Variants in KANSL1 observed in about 807,000 individuals in gnomAD.
KANSL1 encodes the protein KAT8 regulatory NSL complex subunit 1.
A neutral mutation model predicts 103.6 loss-of-function variants in KANSL1; 22 were observed. The ratio of observed to expected loss-of-function variants is 0.21; its 90% CI spans 0.15 to 0.30. The LOEUF (loss-of-function observed/expected upper bound fraction) is 0.30, where lower values mean the gene tolerates loss of function less well. KANSL1 is among the 10% of genes least tolerant of loss of function. The pLI is 1.00. For missense variants in KANSL1, 1,337 were observed against 1,399.8 expected (o/e 0.96, Z 0.72); for synonymous variants, 600 against 527.6 (o/e 1.14, Z -1.88).
At chr17:46,101,059 C>T (rs142522995) in intron 2 of KANSL1, among the ~76,000 whole-genome samples, 1 of 152,326 alleles carries the variant, frequency 6.6e-6, no homozygotes, top group Admixed American at 6.5e-5. Flanking sequence ...CCTGAGACAT[C>T]TAAGTTCTGA....
chr17:46,042,309 AATTAAC>A, intron 7 of KANSL1: 1 of 152,312 alleles, frequency 6.6e-6, no homozygotes, highest in Non-Finnish European at 1.5e-5. Context: ...GAGACGTCTA[AATTAAC>A]ATTACTGAAC....
chr17:46,155,155 A>ATTTTTTTTTT (rs33974360), intron 2 of KANSL1, among the ~76,000 whole-genome samples: 1 of 103,852 alleles, frequency 9.6e-6, no homozygotes, highest in Non-Finnish European at 1.8e-5. Context: ...TCAGCCAGGG[A>ATTTTTTTTTT]TTTTTTTTTT....
intron 6 of KANSL1, among the ~76,000 whole-genome samples, chr17:46,059,233 A>C (rs2146574874): frequency 6.6e-6 from 1 of 152,248 alleles, no homozygotes; most frequent in East Asian, 1.9e-4. Flanking sequence ...GAATGGTAGG[A>C]GGCTACAAAG....
At chr17:46,188,847 A>G (rs2047158995) in intron 1 of KANSL1, among the ~76,000 whole-genome samples, 1 of 152,058 alleles carries the variant, frequency 6.6e-6, no homozygotes, top group Non-Finnish European at 1.5e-5. Context: ...CCTGGCCAAC[A>G]TGGCAAAACC....
intron 1 of KANSL1, among the ~76,000 whole-genome samples, chr17:46,185,692 T>TACACACACACACACACAC (rs58833932): frequency 6.9e-6 from 1 of 144,312 alleles, no homozygotes; most frequent in Non-Finnish European, 1.5e-5. Flanking sequence ...CACACATATA[T>TACACACACACACACACAC]ACACACACAC....
intron 7 of KANSL1, chr17:46,049,788 C>T (rs1039730388): frequency 6.6e-6 from 1 of 152,042 alleles, no homozygotes; most frequent in African/African-American, 2.4e-5. Context: ...ACAGTACAAG[C>T]TAACAACGAA....
chr17:46,204,020 A>G (rs1429106536), intron 1 of KANSL1, among the ~76,000 whole-genome samples: 1 of 152,016 alleles, frequency 6.6e-6, no homozygotes, highest in African/African-American at 2.4e-5. Flanking sequence ...CGGGTAGGGG[A>G]GCAGGGGAAG....
chr17:46,144,165 G>A (rs183856460), intron 2 of KANSL1, among the ~76,000 whole-genome samples: 1 of 152,340 alleles, frequency 6.6e-6, no homozygotes, highest in African/African-American at 2.4e-5. Flanking sequence ...TGAAGGAAGG[G>A]AAGGTATACC....
intron 6 of KANSL1, 53 bp downstream of exon 6, chr17:46,066,480 CTCTA>C (rs1473326357): frequency 3.4e-6 from 5 of 1,464,222 alleles, no homozygotes; most frequent in Non-Finnish European, 4.6e-6. Context: ...AAGAGACTAA[CTCTA>C]TCTGAGCATC....
intron 1 of KANSL1, among the ~76,000 whole-genome samples, chr17:46,174,331 C>A (rs577167135): frequency 6.6e-6 from 1 of 152,030 alleles, no homozygotes; most frequent in African/African-American, 2.4e-5. Context: ...ACTACAGGCA[C>A]GTGCCACCAC....
intron 4 of KANSL1, among the ~76,000 whole-genome samples, chr17:46,080,922 C>A (rs1214642476): frequency 6.6e-6 from 1 of 152,074 alleles, no homozygotes; most frequent in African/African-American, 2.4e-5. Flanking sequence ...GTATGGCCAA[C>A]ACAAAGGGAA....
chr17:46,197,491 A>G (rs2047651464), upstream of KANSL1, among the ~76,000 whole-genome samples: 1 of 152,172 alleles, frequency 6.6e-6, no homozygotes, highest in South Asian at 2.1e-4. Flanking sequence ...AAAAATACAA[A>G]AAGTAGCCAA....
intron 2 of KANSL1, among the ~76,000 whole-genome samples, chr17:46,165,169 A>G (rs185514782): frequency 2.6e-5 from 4 of 152,402 alleles, no homozygotes; most frequent in Admixed American, 6.5e-5. Context: ...TTTGATTGCC[A>G]CTTTGGCAAC....
intron 1 of KANSL1, among the ~76,000 whole-genome samples, chr17:46,175,367 T>A (rs970563549): frequency 6.7e-6 from 1 of 148,372 alleles, no homozygotes; most frequent in Admixed American, 6.8e-5. Flanking sequence ...TGTGTGTTTC[T>A]GAGATGTAGT....
intron 2 of KANSL1, among the ~76,000 whole-genome samples, chr17:46,131,321 C>T (rs1237156679): frequency 6.6e-6 from 1 of 152,194 alleles, no homozygotes; most frequent in African/African-American, 2.4e-5. Context: ...CATCTAACAT[C>T]CAGTTTCTGA....
At chr17:46,184,760 A>G (rs1353182095) in intron 1 of KANSL1, among the ~76,000 whole-genome samples, 1 of 151,074 alleles carries the variant, frequency 6.6e-6, no homozygotes, top group East Asian at 2.0e-4. Context: ...CTGCACCCCC[A>G]TGACACCCTG....
chr17:46,042,949 A>T (rs1046735483), intron 7 of KANSL1: 3 of 152,226 alleles, frequency 2.0e-5, no homozygotes, highest in Non-Finnish European at 4.4e-5. Flanking sequence ...CAAGTGTAAA[A>T]ACACAGTCTC....
At chr17:46,086,241 T>C (rs955089099) in intron 3 of KANSL1, among the ~76,000 whole-genome samples, 2 of 152,204 alleles carry the variant, frequency 1.3e-5, no homozygotes, top group African/African-American at 4.8e-5. Flanking sequence ...AATTTCTAAA[T>C]ACAACCCTCA....
chr17:46,220,008 C>G (rs1171504481), intron 1 of KANSL1, among the ~76,000 whole-genome samples: 1 of 151,880 alleles, frequency 6.6e-6, no homozygotes, highest in Non-Finnish European at 1.5e-5. Flanking sequence ...GAGGCTGAGG[C>G]AGGAGAATGA....
Sources: gnomAD v4.1 joint callset for allele counts (sites outside exome capture counted in the v4.1 genomes callset) on GRCh38, gnomAD v4.1.1 for gene constraint, MANE v1.5 for transcripts, NCBI Gene and HGNC (gene_info 2026-07-23, HGNC 2026-07-21) for gene names.